RPS6KA2: variants seen among roughly 807,000 people sequenced by gnomAD.
The protein encoded by RPS6KA2 is ribosomal protein S6 kinase alpha-2.
RPS6KA2 carries 42 observed loss-of-function variants against 91.8 expected under a neutral mutation model. The observed-to-expected ratio is 0.46, with a 90% CI of 0.36 to 0.59. The LOEUF (loss-of-function observed/expected upper bound fraction) is 0.59, where lower values mean the gene tolerates loss of function less well. RPS6KA2 is among the 20% of genes least tolerant of loss of function. The pLI is 0.00. For missense variants in RPS6KA2, 798 were observed against 978.5 expected (o/e 0.82, Z 2.46); for synonymous variants, 414 against 393.6 (o/e 1.05, Z -0.61).
At chr6:166,771,336 G>A (rs1226980963) in intron 2 of RPS6KA2, among the ~76,000 whole-genome samples, 2 of 152,170 alleles carry the variant, frequency 1.3e-5, no homozygotes, top group Non-Finnish European at 2.9e-5. Flanking sequence ...ATTTTAATCT[G>A]TAGATTTCAT....
chr6:166,746,499 G>A (rs539210980), intron 2 of RPS6KA2, among the ~76,000 whole-genome samples: 88 of 152,306 alleles, frequency 5.8e-4, no homozygotes, highest in African/African-American at 1.9e-3. Flanking sequence ...AGCAGCAACC[G>A]ATCAGTTCTG....
At chr6:166,844,311 G>A (rs551514882) in intron 2 of RPS6KA2, among the ~76,000 whole-genome samples, 21 of 152,272 alleles carry the variant, frequency 1.4e-4, no homozygotes, top group South Asian at 4.1e-4. Flanking sequence ...TGGTGTTCCC[G>A]AGAAAGAAGA....
rs892045708 is a variant in RPS6KA2 at position 166,639,540 on chromosome 6, C to T, written c.124-100756G>A. Among the ~76,000 whole-genome samples the T allele has an allele frequency of 1.3e-5, 2 of 152,194 alleles. No individual in the cohort carries two copies. The highest frequency in any genetic ancestry group is 4.8e-5 in the African/African-American group (2 of 41,440). On this transcript the variant is annotated intron_variant, in intron 2 of 21. Transcript: ENST00000503859. The surrounding 1 kb of genome is among the most constrained non-coding windows in gnomAD (Gnocchi z 4.2). ...CATGCATAGCTCCAGAGCTTGGAAG[C>T]TTGGAAGCCCCAGACTCTGTTCTTC...
Position 166,545,074 on chromosome 6 carries a change from T to C in RPS6KA2, c.100-6290A>G, listed in dbSNP as rs3778407. On this transcript the variant is annotated intron_variant, in intron 1 of 20. Transcript: ENST00000265678. ...AGAGAAAGGAAAATACCGGGTGCCA[T>C]GTCAAGATCGCAGATAGAAGCTCTG... is the stretch of plus-strand genomic sequence containing the variant. Among the ~76,000 whole-genome samples the C allele has an allele frequency of 3.2e-4, 49 of 152,254 alleles. 1 individual carries two copies. The East Asian group carries it at 8.9e-3, about 28-fold the overall frequency.
intron 6 of RPS6KA2, among the ~76,000 whole-genome samples, chr6:166,502,172 T>C (rs75498069): frequency 0.026 from 3,969 of 152,266 alleles, 84 homozygotes; most frequent in Middle Eastern, 0.051. Flanking sequence ...TTAATGCCAC[T>C]GAACTGGGCA....
rs78312673 is a variant in RPS6KA2 at position 166,510,894 on chromosome 6, G to A, written c.299-537C>T. 5.5e-4 allele frequency among the ~76,000 whole-genome samples: 84 copies of A among 151,866 alleles called. No individual in the cohort carries two copies. The East Asian group carries it at 5.8e-3, about 11-fold the overall frequency. On this transcript the variant is annotated intron_variant, in intron 3 of 20. Transcript: ENST00000265678. ...CAATGGTCCCATACCTATTTCCCTC[G>A]CCCTGTATTTTTTCGTGGACTTTTT...
intron 3 of RPS6KA2, among the ~76,000 whole-genome samples, chr6:166,525,786 T>C (rs1583240544): frequency 6.6e-6 from 1 of 152,214 alleles, no homozygotes; most frequent in African/African-American, 2.4e-5. Flanking sequence ...CCTGCGGCTG[T>C]TACCATGCGT....
At chr6:166,599,212 G>A (rs1785645182) in intron 1 of RPS6KA2, among the ~76,000 whole-genome samples, 1 of 152,162 alleles carries the variant, frequency 6.6e-6, no homozygotes, top group Non-Finnish European at 1.5e-5. Context: ...TACAGACAGG[G>A]AGATTGGAAA....
chr6:166,790,319 T>A lies in RPS6KA2; in HGVS notation c.123+67881A>T, dbSNP rs181160976. Among the ~76,000 whole-genome samples, 1,098 of 152,050 alleles carry A rather than the reference T, an allele frequency of 7.2e-3. 4 individuals carry two copies. The highest frequency in any genetic ancestry group is 0.012 in the Non-Finnish European group (812 of 67,982). Reference sequence around the variant, plus strand: ...GAGAAAGGAAGTTTAGAGAAAAAAGTATAAAAAGAAATGAACAAAGCTTCC... The same window carrying A: ...GAGAAAGGAAGTTTAGAGAAAAAAGAATAAAAAGAAATGAACAAAGCTTCC... On this transcript the variant is annotated intron_variant, in intron 2 of 21. Transcript: ENST00000503859.
chr6:166,501,596 A>T (rs1782030537), intron 6 of RPS6KA2, among the ~76,000 whole-genome samples: 1 of 152,178 alleles, frequency 6.6e-6, no homozygotes, highest in Non-Finnish European at 1.5e-5. Flanking sequence ...CCTCCCAGGT[A>T]TCCTGCCGTG....
intron 2 of RPS6KA2, among the ~76,000 whole-genome samples, chr6:166,727,302 T>A (rs1790365916): frequency 6.7e-6 from 1 of 148,430 alleles, no homozygotes; most frequent in Non-Finnish European, 1.5e-5. Flanking sequence ...TAATTATAGA[T>A]CATACTTAAA....
intron 2 of RPS6KA2, among the ~76,000 whole-genome samples, chr6:166,818,463 G>A (rs1099654): frequency 0.49 from 74,164 of 152,086 alleles, 19,454 homozygotes; most frequent in Middle Eastern, 0.63. Flanking sequence ...TTAGCTGGCA[G>A]GTCCATCCCT....
intron 2 of RPS6KA2, among the ~76,000 whole-genome samples, chr6:166,804,404 AT>A (rs1027924620): frequency 6.6e-6 from 1 of 151,832 alleles, no homozygotes; most frequent in African/African-American, 2.4e-5. Context: ...TACTCAGTGG[AT>A]TCACATTCTC....
At chr6:166,549,163 T>G (rs1783918563) in intron 1 of RPS6KA2, among the ~76,000 whole-genome samples, 1 of 152,176 alleles carries the variant, frequency 6.6e-6, no homozygotes, top group African/African-American at 2.4e-5. Flanking sequence ...AAAAAAATAG[T>G]GATAAACATC....
chr6:166,601,065 A>G (rs980796593), intron 1 of RPS6KA2, among the ~76,000 whole-genome samples: 2 of 152,242 alleles, frequency 1.3e-5, no homozygotes, highest in African/African-American at 4.8e-5. Flanking sequence ...AGAAAAAGAA[A>G]AAACAACTAA....
intron 10 of RPS6KA2, among the ~76,000 whole-genome samples, chr6:166,481,328 A>C (rs978691230): frequency 1.3e-5 from 2 of 152,278 alleles, no homozygotes; most frequent in African/African-American, 4.8e-5. Context: ...ATTAGAAATA[A>C]ATAAGCCATG....
At chr6:166,771,240 T>C (rs868555556) in intron 2 of RPS6KA2, among the ~76,000 whole-genome samples, 5 of 152,226 alleles carry the variant, frequency 3.3e-5, no homozygotes, top group Non-Finnish European at 7.3e-5. Flanking sequence ...ACAGCATTTA[T>C]CTTCCAAGCC....
intron 2 of RPS6KA2, among the ~76,000 whole-genome samples, chr6:166,822,486 T>C (rs1779928918): frequency 6.6e-6 from 1 of 152,162 alleles, no homozygotes; most frequent in Non-Finnish European, 1.5e-5. Flanking sequence ...ACCTTGACTT[T>C]TGATTTCCAG....
chr6:166,604,303 GA>G (rs1377591772), intron 1 of RPS6KA2, among the ~76,000 whole-genome samples: 1 of 152,032 alleles, frequency 6.6e-6, no homozygotes, highest in Non-Finnish European at 1.5e-5. Context: ...AAAAAATGAG[GA>G]ATGTCTTACT....
Sources: allele counts gnomAD v4.1 joint callset (sites outside exome capture counted in the v4.1 genomes callset), GRCh38; gene constraint gnomAD v4.1.1; non-coding constraint Gnocchi (gnomAD v3.1); transcripts MANE v1.5; gene names NCBI Gene and HGNC (gene_info 2026-07-23, HGNC 2026-07-21).